ETHE1: variants seen among roughly 807,000 people sequenced by gnomAD.
The protein encoded by ETHE1 is ETHE1 persulfide dioxygenase, also known as persulfide dioxygenase ETHE1, mitochondrial.
In ETHE1, 16 loss-of-function variants were observed where a neutral mutation model predicts 25.7. The observed-to-expected ratio is 0.62, with a 90% CI of 0.42 to 0.95. The LOEUF (loss-of-function observed/expected upper bound fraction) is 0.95. Ranked by LOEUF, ETHE1 falls within the 40% of genes least tolerant of loss-of-function variation. The pLI is 0.00. For synonymous variants in ETHE1, 139 were observed against 135.9 expected (o/e 1.02, Z -0.16); for missense variants, 300 against 333.6 (o/e 0.90, Z 0.79).
At chr19:43,524,995 A>T (rs966570297) in intron 3 of ETHE1, among the ~76,000 whole-genome samples, 1 of 151,540 alleles carries the variant, frequency 6.6e-6, no homozygotes, top group East Asian at 1.9e-4. Flanking sequence ...AACATACACA[A>T]ATCAGCCAGG....
intron 3 of ETHE1, 81 bp downstream of exon 3, chr19:43,526,120 T>TCCCAGGCC: frequency 6.2e-7 from 1 of 1,601,934 alleles, no homozygotes; most frequent in Non-Finnish European, 8.5e-7. Flanking sequence ...GGACTCAGGA[T>TCCCAGGCC]CCCAGGCCCC....
At chr19:43,522,839 C>T (rs1024026506) in intron 3 of ETHE1, among the ~76,000 whole-genome samples, 2 of 152,224 alleles carry the variant, frequency 1.3e-5, no homozygotes, top group Non-Finnish European at 2.9e-5. Flanking sequence ...TTCATTTATG[C>T]AGTGTCTGTG....
rs1252216420 is a variant in ETHE1, at chr19:43,507,630, C to T, written c.712+314G>A. 81 of 514,820 alleles carry T rather than the reference C, an allele frequency of 1.6e-4. 1 individual carries two copies. Among genetic ancestry groups the T allele is most frequent in the Non-Finnish European group, 2.4e-4 (70 of 290,778 alleles). 31.9% of individuals were successfully genotyped at this position (514,820 alleles called of 1,614,324 possible). A position where few individuals can be genotyped will look rare whatever the true frequency, so the allele number is the denominator to read the frequency against. ...TCCCTCAGACCCAGGACCCCAGGCC[C>T]CCAGCCCCTCCTCCCTCAGACTCAG... On this transcript the variant is annotated intron_variant, in intron 6 of 6. Coordinates refer to ENST00000292147, the MANE Select transcript of ETHE1 (RefSeq NM_014297.5).
chr19:43,517,957 AAAAAC>A (rs1390785381), intron 3 of ETHE1, among the ~76,000 whole-genome samples: 1 of 151,760 alleles, frequency 6.6e-6, no homozygotes, highest in African/African-American at 2.4e-5. Flanking sequence ...CTCAAAAAAA[AAAAAC>A]AAAAAACAAA....
Position 43,508,000 on chromosome 19 carries a change from C to T in ETHE1, c.656G>A (p.Cys219Tyr), listed in dbSNP as rs1971829039. Residue 219 changes from cysteine (C) to tyrosine (Y), a missense_variant, in exon 6 of 7, where the codon TGT (cysteine) becomes TAT (tyrosine). Transcript: ENST00000292147. ...RTLNPRLTLSCEEFVKIMGNL... is the reference protein window; with the variant it reads ...RTLNPRLTLSYEEFVKIMGNL... ...GCCCATGATTTTGACAAACTCCTCA[C>T]AGCTGAGGGTGAGCCGAGGGTTCAG... 1 of 1,614,176 alleles carries T rather than the reference C, an allele frequency of 6.2e-7. No individual in the cohort carries two copies. The highest frequency in any genetic ancestry group is 1.1e-5 in the South Asian group (1 of 91,084).
chr19:43,509,633 A>G (rs1013942100), intron 4 of ETHE1, among the ~76,000 whole-genome samples: 4 of 151,568 alleles, frequency 2.6e-5, no homozygotes, highest in Non-Finnish European at 4.4e-5. Context: ...GTCTCTACTA[A>G]AAATACAAAA....
chr19:43,524,276 T>C (rs908190037), intron 3 of ETHE1, among the ~76,000 whole-genome samples: 2 of 151,874 alleles, frequency 1.3e-5, no homozygotes, highest in African/African-American at 4.8e-5. Flanking sequence ...TCCCTGCTAT[T>C]TGGGAGGCTG....
chr19:43,518,932 C>A (rs1415024181), intron 3 of ETHE1, among the ~76,000 whole-genome samples: 3 of 147,306 alleles, frequency 2.0e-5, no homozygotes, highest in Non-Finnish European at 3.0e-5. Flanking sequence ...GGGAGAGGGG[C>A]GCGGTTCTAA....
At chr19:43,518,849 T>C (rs1001849203) in intron 3 of ETHE1, among the ~76,000 whole-genome samples, 1 of 151,610 alleles carries the variant, frequency 6.6e-6, no homozygotes, top group Non-Finnish European at 1.5e-5. Flanking sequence ...TAGAGAACCC[T>C]GACATTCTGC....
chr19:43,511,418 G>C lies in ETHE1; in HGVS notation c.505+19C>G. 1.2e-6 allele frequency: 2 copies of C among 1,614,108 alleles called. No homozygotes were observed. The highest frequency in any genetic ancestry group is 1.7e-6 in the Non-Finnish European group (2 of 1,180,014). The stretch of plus-strand genomic sequence containing the variant: ...CGTAACTATATGAAGATCTTGGGCT[G>C]GATAAAGGAGCTGGTCACCTTGCTG... On this transcript the variant is annotated intron_variant, in intron 4 of 6. Coordinates refer to ENST00000292147, the MANE Select transcript of ETHE1 (RefSeq NM_014297.5).
chr19:43,510,060 G>A (rs1206892047), intron 4 of ETHE1, among the ~76,000 whole-genome samples: 1 of 152,128 alleles, frequency 6.6e-6, no homozygotes, highest in Non-Finnish European at 1.5e-5. Context: ...AAGAGGCCTG[G>A]GGATGTGGCT....
chr19:43,513,952 C>G (rs1226663756), intron 3 of ETHE1, among the ~76,000 whole-genome samples: 12 of 152,070 alleles, frequency 7.9e-5, no homozygotes, highest in African/African-American at 2.7e-4. Flanking sequence ...GAACTCCTGA[C>G]CTCAGCTGAT....
intron 3 of ETHE1, among the ~76,000 whole-genome samples, chr19:43,513,975 G>T (rs1971970907): frequency 1.3e-5 from 2 of 152,116 alleles, no homozygotes; most frequent in Admixed American, 1.3e-4. Context: ...GCCTGCCTTG[G>T]CCTCCCAAAG....
At chr19:43,520,564 G>T (rs1972119388) in intron 3 of ETHE1, among the ~76,000 whole-genome samples, 2 of 152,058 alleles carry the variant, frequency 1.3e-5, no homozygotes, top group South Asian at 4.2e-4. Flanking sequence ...AGCCAGGAGT[G>T]GTGGTGCACA....
chr19:43,514,958 A>C (rs1382812124), intron 3 of ETHE1, among the ~76,000 whole-genome samples: 2 of 152,238 alleles, frequency 1.3e-5, no homozygotes, highest in Admixed American at 1.3e-4. Flanking sequence ...TATATTTGTA[A>C]CATATACATA....
intron 5 of ETHE1, 48 bp downstream of exon 5, chr19:43,508,727 C>T (rs747111397): frequency 4.3e-6 from 6 of 1,408,744 alleles, no homozygotes; most frequent in Admixed American, 2.0e-5. Context: ...ATTTACACTC[C>T]ACTTTCAAAG....
chr19:43,513,245 C>G (rs1182748835), intron 3 of ETHE1, among the ~76,000 whole-genome samples: 1 of 152,140 alleles, frequency 6.6e-6, no homozygotes, highest in Non-Finnish European at 1.5e-5. Flanking sequence ...GGAGCCCCCA[C>G]AGAGAGTTCC....
At chr19:43,509,740 G>A (rs896747653) in intron 4 of ETHE1, among the ~76,000 whole-genome samples, 1 of 152,154 alleles carries the variant, frequency 6.6e-6, no homozygotes, top group Admixed American at 6.6e-5. Flanking sequence ...AGCTTGCAGT[G>A]AGCCAAGATT....
At position 43,508,158 on chromosome 19, in the gene ETHE1, G is replaced by A. The variant is rs867952812; in HGVS notation, c.596-98C>T. ...GAGGCCTTGGGTGCCTCTCTGGCAG[G>A]GGCTCTTCCCAGAATATTCCTAAAA... On this transcript the variant is annotated intron_variant, in intron 5 of 6. Coordinates refer to ENST00000292147, the MANE Select transcript of ETHE1 (RefSeq NM_014297.5). 30 of 1,560,310 alleles carry A rather than the reference G, an allele frequency of 1.9e-5. No individual in the cohort carries two copies. In the Middle Eastern group the frequency reaches 8.9e-4, roughly 46 times the overall value.
Sources: gnomAD v4.1 joint callset for allele counts (sites outside exome capture counted in the v4.1 genomes callset) on GRCh38, gnomAD v4.1.1 for gene constraint, MANE v1.5 for transcripts, NCBI Gene and HGNC (gene_info 2026-07-23, HGNC 2026-07-21) for gene names.